The following MYO1H variants were observed in gnomAD, a reference collection of about 807,000 sequenced individuals.
MYO1H encodes the protein unconventional myosin-Ih.
In MYO1H, 118 loss-of-function variants were observed where a neutral mutation model predicts 149.3. The ratio of observed to expected loss-of-function variants is 0.79; its 90% CI spans 0.68 to 0.92. The LOEUF (loss-of-function observed/expected upper bound fraction) is 0.92. MYO1H is among the 40% of genes least tolerant of loss of function. MYO1H has a pLI of 0.00. For missense variants in MYO1H, 1,212 were observed against 1,280.7 expected, an observed-to-expected ratio of 0.95 and a Z score of 0.82; for synonymous variants, 447 against 465.2, an observed-to-expected ratio of 0.96 and a Z score of 0.50.
chr12:109,398,187 C>T (rs770359043), intron 5 of MYO1H, among the ~76,000 whole-genome samples: 4 of 152,284 alleles, frequency 2.6e-5, no homozygotes, highest in South Asian at 4.1e-4. Context: ...GCAACCATTC[C>T]GCTCCCAGAG....
intron 20 of MYO1H, 91 bp from the exon 21 acceptor site, chr12:109,434,946 A>C (rs143269330): frequency 4.3e-6 from 3 of 695,560 alleles, no homozygotes; most frequent in Admixed American, 2.9e-5. Flanking sequence ...TGAGGTTCTG[A>C]GTGGAAATGA....
At chr12:109,336,128 G>C in the MYO1H span, among the ~76,000 whole-genome samples, 1 of 152,076 alleles carries the variant, frequency 6.6e-6, no homozygotes, top group East Asian at 1.9e-4. Flanking sequence ...TGACACAGCA[G>C]TCAATGTTCC....
the MYO1H span, among the ~76,000 whole-genome samples, chr12:109,321,147 T>TA: frequency 1.3e-5 from 2 of 152,042 alleles, no homozygotes; most frequent in African/African-American, 4.8e-5. Context: ...GCATAAAAAT[T>TA]AAAGACTTAT....
intron 14 of MYO1H, among the ~76,000 whole-genome samples, chr12:109,414,984 T>C (rs1488109876): frequency 6.6e-6 from 1 of 152,030 alleles, no homozygotes; most frequent in Admixed American, 6.6e-5. Flanking sequence ...AGTACTAGGA[T>C]TATAGGTGTG....
the MYO1H span, among the ~76,000 whole-genome samples, chr12:109,326,788 G>A: frequency 1.2e-4 from 18 of 152,144 alleles, no homozygotes; most frequent in African/African-American, 4.1e-4. Flanking sequence ...CAAAGTGCTG[G>A]GATTACAGGC....
chr12:109,406,466 TTA>T (rs1491202652), intron 8 of MYO1H, among the ~76,000 whole-genome samples: 2 of 101,708 alleles, frequency 2.0e-5, no homozygotes, highest in East Asian at 3.2e-4. Flanking sequence ...ACCCTATCTC[TTA>T]AAAAAAAAAA....
At chr12:109,386,682 T>A (rs538544039) in intron 1 of MYO1H, among the ~76,000 whole-genome samples, 1 of 152,202 alleles carries the variant, frequency 6.6e-6, no homozygotes, top group East Asian at 1.9e-4. Context: ...CAAATTTTCA[T>A]TGGGTTTGTC....
the MYO1H span, among the ~76,000 whole-genome samples, chr12:109,339,967 C>T: frequency 6.6e-6 from 1 of 152,154 alleles, no homozygotes; most frequent in African/African-American, 2.4e-5. Flanking sequence ...TATAGGAACT[C>T]CATATCCTAC....
In MYO1H at chr12:109,443,147, T is replaced by C. The variant is rs1566045002; in HGVS notation, c.2689-367T>C. 1.5e-5 allele frequency among the ~76,000 whole-genome samples: 2 copies of C among 133,188 alleles called. 1 individual carries two copies. Among genetic ancestry groups the C allele is most frequent in the South Asian group, 4.5e-4 (2 of 4,490 alleles). 87.4% of individuals were successfully genotyped at this position (133,188 alleles called of 152,430 possible). Reference sequence around the variant, plus strand: ...GTACGTATATATGTGTGTATATGTGTACGTATGTGTGTGTATATGTGTACG... The same window carrying C: ...GTACGTATATATGTGTGTATATGTGCACGTATGTGTGTGTATATGTGTACG... On this transcript the variant is annotated intron_variant, in intron 27 of 31. Transcript: ENST00000310903.
At chr12:109,336,492 G>A in the MYO1H span, among the ~76,000 whole-genome samples, 1 of 152,196 alleles carries the variant, frequency 6.6e-6, no homozygotes, top group African/African-American at 2.4e-5. Flanking sequence ...ACTTGGTCTT[G>A]TGCTCTCTCT....
In MYO1H at chr12:109,436,243, G is replaced by T. The variant is rs375368365; in HGVS notation, c.2141-245G>T. On this transcript the variant is annotated intron_variant, in intron 21 of 31. Coordinates refer to ENST00000310903, the Ensembl canonical transcript of MYO1H. ...CTGGGGGGCTTGTAGCACTAGGTCT[G>T]TTCCTTGCCCTGGGAAAAGGAAAGG... 9.9e-4 allele frequency among the ~76,000 whole-genome samples: 151 copies of T among 152,208 alleles called. 1 individual carries two copies. The highest frequency in any genetic ancestry group is 3.5e-3 in the African/African-American group (144 of 41,536).
At chr12:109,362,163 T>G (rs1868768750) in intron 1 of MYO1H, among the ~76,000 whole-genome samples, 1 of 152,214 alleles carries the variant, frequency 6.6e-6, no homozygotes, top group Non-Finnish European at 1.5e-5. Flanking sequence ...CTCTTCCCTA[T>G]AAACCACAAG....
intron 1 of MYO1H, among the ~76,000 whole-genome samples, chr12:109,368,081 A>G (rs1409990641): frequency 6.6e-6 from 1 of 152,198 alleles, no homozygotes; most frequent in East Asian, 1.9e-4. Context: ...TGACCTAGCA[A>G]TTCCTCCTCT....
chr12:109,319,141 T>G, the MYO1H span, among the ~76,000 whole-genome samples: 2 of 152,060 alleles, frequency 1.3e-5, no homozygotes, highest in Non-Finnish European at 2.9e-5. Flanking sequence ...CATAGCAGCA[T>G]TATTCACAAT....
chr12:109,356,543 A>G (rs1387338412), intron 1 of MYO1H, among the ~76,000 whole-genome samples: 5 of 151,924 alleles, frequency 3.3e-5, no homozygotes, highest in African/African-American at 1.2e-4. Flanking sequence ...TTTTTCTAAC[A>G]TTTATCAGTA....
chr12:109,434,437 TG>T (rs1871773033), intron 20 of MYO1H, among the ~76,000 whole-genome samples: 1 of 152,154 alleles, frequency 6.6e-6, no homozygotes, highest in African/African-American at 2.4e-5. Context: ...GGGGTTGCAG[TG>T]AGCCGAGATT....
At chr12:109,386,345 G>T (rs1306398237) in intron 1 of MYO1H, among the ~76,000 whole-genome samples, 26 of 152,162 alleles carry the variant, frequency 1.7e-4, no homozygotes, top group Admixed American at 1.7e-3. Flanking sequence ...GTAGACATAT[G>T]TTTACATTTC....
At chr12:109,352,071 T>C (rs1178400954) in intron 1 of MYO1H, among the ~76,000 whole-genome samples, 1 of 152,222 alleles carries the variant, frequency 6.6e-6, no homozygotes, top group Non-Finnish European at 1.5e-5. Context: ...GAAGTTTCTC[T>C]CAATACAGTC....
chr12:109,348,837 T>C (rs2136991732), intron 1 of MYO1H, among the ~76,000 whole-genome samples: 1 of 152,316 alleles, frequency 6.6e-6, no homozygotes, highest in South Asian at 2.1e-4. Context: ...CAGAAACATT[T>C]ATGGATGTAG....
Sources: allele counts gnomAD v4.1 joint callset (sites outside exome capture counted in the v4.1 genomes callset), GRCh38; gene constraint gnomAD v4.1.1; transcripts MANE v1.5; gene names NCBI Gene and HGNC (gene_info 2026-07-23, HGNC 2026-07-21).